The following COL9A3 variants were observed in gnomAD, a reference collection of about 807,000 sequenced individuals.
COL9A3 encodes the protein collagen type IX alpha 3 chain, also known as collagen alpha-3(IX) chain.
COL9A3 carries 82 observed loss-of-function variants against 110.2 expected under a neutral mutation model. The ratio of observed to expected loss-of-function variants is 0.74; its 90% CI spans 0.62 to 0.89. The LOEUF (loss-of-function observed/expected upper bound fraction) is 0.89, where lower values mean the gene tolerates loss of function less well. COL9A3 is among the 40% of genes least tolerant of loss of function. The pLI, the probability that COL9A3 is intolerant of heterozygous loss-of-function variation, is 0.00. For missense variants in COL9A3, 1,066 were observed against 981.3 expected (o/e 1.09, Z -1.15); for synonymous variants, 494 against 403.8 (o/e 1.22, Z -2.68).
At chr20:62,829,532 G>C (rs755178800) in intron 20 of COL9A3, 33 bp downstream of exon 20, 5 of 1,611,870 alleles carry the variant, frequency 3.1e-6, no homozygotes, top group Non-Finnish European at 4.2e-6. Flanking sequence ...TCTCTGGGAG[G>C]GGAGGCGAGG....
rs935209000 is a variant in COL9A3 at position 62,830,373 on chromosome 20, C to A, written c.1175C>A (p.Pro392Gln). The change falls in exon 23 of 32, where the codon CCA becomes CAA. Residue 392 changes from proline (P) to glutamine (Q), a missense_variant. Pro to Gln is a moderately conservative substitution (Grantham distance 76). Coordinates refer to ENST00000649368, the MANE Select transcript of COL9A3 (RefSeq NM_001853.4). ...TTTGTCTTCCAGGGGGCCCTCGGCCCACAAGGCCCTCCCGGAGCCCCTGGT... is the reference window on the plus strand; with the variant it reads ...TTTGTCTTCCAGGGGGCCCTCGGCCAACAAGGCCCTCCCGGAGCCCCTGGT... The part of the protein sequence containing the change: ...GHRGSAGALG[P>Q]QGPPGAPGVR... 1 of 1,573,380 alleles carries A rather than the reference C, an allele frequency of 6.4e-7. No individual in the cohort carries two copies. Among genetic ancestry groups the A allele is most frequent in the Non-Finnish European group, 8.6e-7 (1 of 1,159,054 alleles).
intron 4 of COL9A3, 121 bp from the exon 5 acceptor site, chr20:62,819,808 C>A (rs2147197566): frequency 9.0e-7 from 1 of 1,108,502 alleles, no homozygotes; most frequent in Non-Finnish European, 1.4e-6. Context: ...GGCTGCCACC[C>A]TAAGGGTCTT....
In COL9A3 at chr20:62,840,793, A is replaced by AG; in HGVS notation, c.*62dup. The AG allele has an allele frequency of 6.5e-7, 1 of 1,540,204 alleles. No homozygotes were observed. The highest frequency in any genetic ancestry group is 1.2e-5 in the South Asian group (1 of 83,674). On this transcript the variant is annotated 3_prime_UTR_variant, in exon 32 of 32. Transcript: ENST00000649368. The stretch of plus-strand genomic sequence containing the variant: ...GAAGCACAGTGGACGGTCATGAAGG[A>AG]GCGGGGGTGTGGCAGGCGGGTGACG...
intron 4 of COL9A3, 25 bp from the exon 5 acceptor site, chr20:62,819,904 G>C (rs201643885): frequency 6.2e-7 from 1 of 1,612,518 alleles, no homozygotes; most frequent in South Asian, 1.1e-5. Flanking sequence ...GTGGCCCCTC[G>C]AGCTCGCCCT....
At position 62,833,137 on chromosome 20, in the gene COL9A3, T is replaced by C. The variant is rs895559336; in HGVS notation, c.1368+73T>C. ...CGCCACTGTGGCTGGGGAACAGTCC[T>C]GGGGACAGGGTCAAAATCTGCAGCT... On this transcript the variant is annotated intron_variant, in intron 26 of 31. Coordinates refer to ENST00000649368, the MANE Select transcript of COL9A3 (RefSeq NM_001853.4). The C allele has an allele frequency of 3.2e-6, 4 of 1,268,744 alleles. No homozygotes were observed. In the African/African-American group the frequency reaches 5.9e-5, roughly 19 times the overall value. The allele number at this position is 1,268,744 out of a possible 1,614,324, so 78.6% of individuals were successfully genotyped here. A position where few individuals can be genotyped will look rare whatever the true frequency, so the allele number is the denominator to read the frequency against.
intron 24 of COL9A3, among the ~76,000 whole-genome samples, chr20:62,830,907 G>A (rs944753962): frequency 9.3e-5 from 14 of 150,174 alleles, no homozygotes; most frequent in South Asian, 2.1e-4. Context: ...TCAGGGCCCC[G>A]ACTGTGGCGC....
At chr20:62,836,439 G>GC in intron 28 of COL9A3, 39 bp from the exon 29 acceptor site, 1 of 1,613,606 alleles carries the variant, frequency 6.2e-7, no homozygotes. Context: ...CACCGAGGCT[G>GC]CCGCCCCCAT....
At chr20:62,817,221 C>T in intron 1 of COL9A3, 79 bp downstream of exon 1, 1 of 1,078,588 alleles carries the variant, frequency 9.3e-7, no homozygotes, top group Non-Finnish European at 1.2e-6. Context: ...TCCGGGGTGC[C>T]CGGCGCAGCC....
intron 18 of COL9A3, 31 bp downstream of exon 18, chr20:62,828,848 G>T: frequency 6.2e-7 from 1 of 1,612,656 alleles, no homozygotes; most frequent in Non-Finnish European, 8.5e-7. Flanking sequence ...GTGACGGGAG[G>T]GAGGGGGCTG....
chr20:62,825,106 A>T (rs143853838), intron 12 of COL9A3, 85 bp downstream of exon 12: 1 of 164,156 alleles, frequency 6.1e-6, no homozygotes, highest in African/African-American at 1.1e-4. Flanking sequence ...CTCCGGCGGG[A>T]GGGAGGGGCT....
intron 2 of COL9A3, 123 bp downstream of exon 2, chr20:62,817,758 T>A (rs1990982237): frequency 1.4e-6 from 1 of 697,404 alleles, no homozygotes; most frequent in African/African-American, 1.8e-5. Context: ...CGGGGTGACA[T>A]CAGGGGACAG....
At position 62,819,286 on chromosome 20, in the gene COL9A3, G is replaced by T. The variant is rs1434111481; in HGVS notation, c.248G>T (p.Gly83Val). ...PGEAGLPGLPGVDGLTGRDGP... is the reference protein window; with the variant it reads ...PGEAGLPGLPVVDGLTGRDGP... The stretch of plus-strand genomic sequence containing the variant: ...GAGGCTGGGCTGCCGGGACTGCCGG[G>T]TGTGGATGTGAGTGCGCCTGCCCCT... The change falls in exon 4 of 32, where the codon GGT becomes GTT. Residue 83 changes from glycine to valine, a missense_variant. By Grantham distance (109) the Gly-to-Val change is moderately radical. Coordinates refer to ENST00000649368, the MANE Select transcript of COL9A3 (RefSeq NM_001853.4). 5.0e-6 allele frequency: 8 copies of T among 1,610,452 alleles called. No homozygotes were observed. The South Asian group carries it at 6.6e-5, about 13-fold the overall frequency.
At chr20:62,817,521 G>GC (rs1282739519) in intron 1 of COL9A3, 46 bp from the exon 2 acceptor site, 1 of 1,372,004 alleles carries the variant, frequency 7.3e-7, no homozygotes, top group East Asian at 2.5e-5. Context: ...GCCGGGTCAG[G>GC]CCCACGGGGG....
chr20:62,832,974 C>T, intron 25 of COL9A3, 46 bp from the exon 26 acceptor site: 1 of 1,559,538 alleles, frequency 6.4e-7, no homozygotes, highest in Non-Finnish European at 8.8e-7. Context: ...GAAGTCCCTA[C>T]TCATGCATGA....
intron 26 of COL9A3, among the ~76,000 whole-genome samples, chr20:62,834,833 G>A (rs141176257): frequency 1.0e-3 from 153 of 152,254 alleles, no homozygotes; most frequent in African/African-American, 3.5e-3. Flanking sequence ...TAGAGATGGG[G>A]TTTCACCATG....
chr20:62,816,544 G>A (rs987392807), upstream of COL9A3, among the ~76,000 whole-genome samples: 9 of 152,304 alleles, frequency 5.9e-5, no homozygotes, highest in African/African-American at 2.2e-4. Context: ...CAGTGACCCC[G>A]GAGCGGGAAC....
chr20:62,840,609 C>T lies in COL9A3; in HGVS notation c.1932C>T (p.Pro644=), dbSNP rs550889206. ...GTGCTCCCGGCGAGCCTGGGCCTCC[C>T]GGAGATCCTGGGCTTCCAGGTGCCA... ...QDGAPGEPGP[P]GDPGLPGAIG... is the part of the protein sequence containing the mutation. Residue 644 remains proline (P), a synonymous_variant, in exon 32 of 32, where the codon CCC becomes CCT. Transcript: ENST00000649368. 4.5e-5 allele frequency: 73 copies of T among 1,613,286 alleles called. No individual in the cohort carries two copies. Among genetic ancestry groups the T allele is most frequent in the African/African-American group, 3.3e-4 (25 of 75,054 alleles).
At chr20:62,833,948 C>G (rs1307771471) in intron 26 of COL9A3, among the ~76,000 whole-genome samples, 15 of 152,040 alleles carry the variant, frequency 9.9e-5, no homozygotes, top group Admixed American at 5.2e-4. Flanking sequence ...GACGCCATCT[C>G]GGCTCACTGC....
rs1164896811 is a variant in COL9A3 at position 62,839,526 on chromosome 20, G to GTT, written c.1864+766_1864+767insTT. On this transcript the variant is annotated intron_variant, in intron 31 of 31. Transcript: ENST00000649368. Reference sequence around the variant, plus strand: ...GGCCTTAGACTCCAAGGATGTGTGTGTCCAGATGAGAAGGATCCCGAACAG... The same window carrying GTT: ...GGCCTTAGACTCCAAGGATGTGTGTGTTTCCAGATGAGAAGGATCCCGAACAG... Among the ~76,000 whole-genome samples, 3 of 152,208 alleles carry GTT rather than the reference G, an allele frequency of 2.0e-5. No homozygotes were observed. In the East Asian group the frequency reaches 5.8e-4, roughly 29 times the overall value.
Sources: allele counts gnomAD v4.1 joint callset (sites outside exome capture counted in the v4.1 genomes callset), GRCh38; gene constraint gnomAD v4.1.1; transcripts MANE v1.5; gene names NCBI Gene and HGNC (gene_info 2026-07-23, HGNC 2026-07-21).